GMDS: variants seen among roughly 807,000 people sequenced by gnomAD.
The protein encoded by GMDS is GDP-mannose 4,6-dehydratase, also known as GDP-mannose 4,6 dehydratase.
Under a neutral mutation model 49.9 loss-of-function variants are expected in GMDS, and 20 were observed. The observed-to-expected ratio is 0.40, with a 90% CI of 0.28 to 0.58. The LOEUF is 0.58. Among genes scored for constraint, GMDS ranks in the 20% least tolerant of loss-of-function variants. The pLI is 0.42. For missense variants in GMDS, 362 were observed against 481.4 expected, an observed-to-expected ratio of 0.75 and a Z score of 2.32; for synonymous variants, 177 against 178.6, an observed-to-expected ratio of 0.99 and a Z score of 0.07.
In GMDS at chr6:1,749,153, G is replaced by C. The variant is rs532174218; in HGVS notation, c.772-6567C>G. On this transcript the variant is annotated intron_variant, in intron 7 of 10. Coordinates refer to ENST00000380815, the MANE Select transcript of GMDS (RefSeq NM_001500.4). ...TGCCACAATTTCTCAAGATTTTGCTGGTGAGTGTGATTAGTGGAAAGGAGC... is the reference window on the plus strand; with the variant it reads ...TGCCACAATTTCTCAAGATTTTGCTCGTGAGTGTGATTAGTGGAAAGGAGC... 4.6e-5 allele frequency among the ~76,000 whole-genome samples: 7 copies of C among 152,246 alleles called. No individual in the cohort carries two copies. The South Asian group carries it at 8.3e-4, about 18-fold the overall frequency.
chr6:2,128,974 G>C (rs981974674), intron 1 of GMDS, among the ~76,000 whole-genome samples: 1 of 152,192 alleles, frequency 6.6e-6, no homozygotes, highest in Non-Finnish European at 1.5e-5. Context: ...TGGGGCCAAA[G>C]GGCAGGGCAC....
intron 4 of GMDS, among the ~76,000 whole-genome samples, chr6:2,045,357 T>C (rs1341618560): frequency 6.6e-6 from 1 of 151,962 alleles, no homozygotes; most frequent in African/African-American, 2.4e-5. Flanking sequence ...CTGCTTAATG[T>C]TCTTATATTT....
Position 1,771,503 on chromosome 6 carries a change from T to G in GMDS, c.772-28917A>C, listed in dbSNP as rs573911107. 2.6e-5 allele frequency among the ~76,000 whole-genome samples: 4 copies of G among 152,086 alleles called. No individual in the cohort carries two copies. In the East Asian group the frequency reaches 5.8e-4, roughly 22 times the overall value. ...AGTGCCTGGAACGGTGCCAAGCAAA[T>G]AGTAGTGAGTCAATACAATGGTGGC... On this transcript the variant is annotated intron_variant, in intron 7 of 10. Transcript: ENST00000380815.
At chr6:2,079,019 CTTT>C (rs386405902) in intron 4 of GMDS, among the ~76,000 whole-genome samples, 1 of 33,990 alleles carries the variant, frequency 2.9e-5, no homozygotes, top group African/African-American at 7.1e-5. Context: ...ATGACCTTGT[CTTT>C]TTTTTTTTTT....
At chr6:1,670,966 C>T (rs1180936130) in intron 9 of GMDS, among the ~76,000 whole-genome samples, 1 of 152,180 alleles carries the variant, frequency 6.6e-6, no homozygotes, top group Non-Finnish European at 1.5e-5. Context: ...CAGAGTTTTG[C>T]TGTCACCTCA....
intron 7 of GMDS, among the ~76,000 whole-genome samples, chr6:1,918,874 T>C (rs895138838): frequency 9.9e-5 from 15 of 152,232 alleles, no homozygotes; most frequent in Admixed American, 8.5e-4. Flanking sequence ...CTTTCATTTA[T>C]GATCTGCACT....
intron 7 of GMDS, among the ~76,000 whole-genome samples, chr6:1,854,758 C>T (rs1757871072): frequency 6.6e-6 from 1 of 152,168 alleles, no homozygotes; most frequent in African/African-American, 2.4e-5. Flanking sequence ...TTGAGATTGT[C>T]TTGTCTTCTT....
At chr6:2,053,176 T>C (rs1338797028) in intron 4 of GMDS, among the ~76,000 whole-genome samples, 1 of 152,174 alleles carries the variant, frequency 6.6e-6, no homozygotes, top group Non-Finnish European at 1.5e-5. Flanking sequence ...CCAAAATATT[T>C]AGAAATGTAA....
At chr6:1,818,009 G>A (rs1184843594) in intron 7 of GMDS, among the ~76,000 whole-genome samples, 1 of 152,126 alleles carries the variant, frequency 6.6e-6, no homozygotes, top group African/African-American at 2.4e-5. Context: ...GAAATACAGA[G>A]CTTGCCTTAA....
At chr6:2,140,563 A>C (rs772064608) in intron 1 of GMDS, among the ~76,000 whole-genome samples, 5 of 152,216 alleles carry the variant, frequency 3.3e-5, no homozygotes, top group Non-Finnish European at 7.3e-5. Flanking sequence ...TCTAGCAAGC[A>C]GTCGTTCCCA....
intron 9 of GMDS, among the ~76,000 whole-genome samples, chr6:1,666,781 A>C (rs143897259): frequency 6.6e-6 from 1 of 152,230 alleles, no homozygotes; most frequent in East Asian, 1.9e-4. Context: ...TCAAGGTCAC[A>C]GTGTCCTTCT....
chr6:2,094,635 T>C (rs1292981635), intron 4 of GMDS, among the ~76,000 whole-genome samples: 1 of 152,152 alleles, frequency 6.6e-6, no homozygotes, highest in African/African-American at 2.4e-5. Flanking sequence ...AAGAAGTGGG[T>C]AGGCATATTT....
At chr6:1,864,208 T>C (rs1015654685) in intron 7 of GMDS, among the ~76,000 whole-genome samples, 1 of 152,210 alleles carries the variant, frequency 6.6e-6, no homozygotes, top group Non-Finnish European at 1.5e-5. Flanking sequence ...TAATCTTTTA[T>C]AGCAGAGATT....
In GMDS at chr6:2,154,862, G is replaced by GAAAAAAAAAAAAAA. The variant is rs1562103386; in HGVS notation, c.103-30132_103-30131insTTTTTTTTTTTTTT. ...AACAAAAGCCTCTTATTGAAGAGATGCAAAAAAAAAAAAAAAAAAAAAAAG... is the reference window on the plus strand; with the variant it reads ...AACAAAAGCCTCTTATTGAAGAGATGAAAAAAAAAAAAAACAAAAAAAAAAAAAAAAAAAAAAAG... On this transcript the variant is annotated intron_variant, in intron 1 of 10. Transcript: ENST00000380815. Among the ~76,000 whole-genome samples, 6 of 33,824 alleles carry GAAAAAAAAAAAAAA rather than the reference G, an allele frequency of 1.8e-4. 1 individual carries two copies. The highest frequency in any genetic ancestry group is 4.5e-4 in the African/African-American group (6 of 13,196). The allele number at this position is 33,824 out of a possible 152,430, so 22.2% of individuals were successfully genotyped here.
chr6:2,118,112 A>G (rs1774948944), intron 2 of GMDS, among the ~76,000 whole-genome samples: 1 of 152,126 alleles, frequency 6.6e-6, no homozygotes, highest in Non-Finnish European at 1.5e-5. Flanking sequence ...GCACTTATGT[A>G]CTACTCGATT....
At chr6:2,112,740 C>T (rs1163734253) in intron 4 of GMDS, among the ~76,000 whole-genome samples, 1 of 152,136 alleles carries the variant, frequency 6.6e-6, no homozygotes, top group Non-Finnish European at 1.5e-5. Context: ...GTCACAAATC[C>T]TCGCTGGCCT....
chr6:2,135,419 G>T (rs2127522313), intron 1 of GMDS, among the ~76,000 whole-genome samples: 1 of 152,192 alleles, frequency 6.6e-6, no homozygotes, highest in Middle Eastern at 3.4e-3. Context: ...AAACAGTGAG[G>T]TCTGAATTTT....
At chr6:1,945,033 C>T (rs1319990069) in intron 6 of GMDS, among the ~76,000 whole-genome samples, 1 of 152,126 alleles carries the variant, frequency 6.6e-6, no homozygotes, top group East Asian at 1.9e-4. Context: ...TTGATTTGGA[C>T]TTCAAGCAGT....
At chr6:2,234,943 T>C (rs543737171) in intron 1 of GMDS, among the ~76,000 whole-genome samples, 31 of 152,094 alleles carry the variant, frequency 2.0e-4, no homozygotes, top group Admixed American at 7.9e-4. Context: ...CTGACCAACA[T>C]GGAGAAACCC....
Sources: allele counts gnomAD v4.1 joint callset (sites outside exome capture counted in the v4.1 genomes callset), GRCh38; gene constraint gnomAD v4.1.1; transcripts MANE v1.5; gene names NCBI Gene and HGNC (gene_info 2026-07-23, HGNC 2026-07-21).